NTAQ1: variants seen among roughly 807,000 people sequenced by gnomAD.
The protein encoded by NTAQ1 is N-terminal glutamine amidase 1, also known as protein N-terminal glutamine amidohydrolase.
A neutral mutation model predicts 28.2 loss-of-function variants in NTAQ1; 21 were observed. The ratio of observed to expected loss-of-function variants is 0.74; its 90% CI spans 0.53 to 1.07. The LOEUF (loss-of-function observed/expected upper bound fraction) is 1.07, where lower values mean the gene tolerates loss of function less well. Among genes scored for constraint, NTAQ1 ranks in the 50% least tolerant of loss-of-function variants. NTAQ1 has a pLI of 0.00. For synonymous variants in NTAQ1, 105 were observed against 90.0 expected, an observed-to-expected ratio of 1.17 and a Z score of -0.94; for missense variants, 264 against 256.6, an observed-to-expected ratio of 1.03 and a Z score of -0.20.
chr8:123,454,128 G>A (rs142973345), intron 6 of NTAQ1, among the ~76,000 whole-genome samples: 3,879 of 152,290 alleles, frequency 0.025, 68 homozygotes, highest in Middle Eastern at 0.054. Flanking sequence ...ATCAATAAAT[G>A]TCAAACTTGT....
chr8:123,439,349 T>TG (rs1418555328), intron 5 of NTAQ1, among the ~76,000 whole-genome samples: 3 of 151,040 alleles, frequency 2.0e-5, no homozygotes, highest in Non-Finnish European at 4.4e-5. Flanking sequence ...TGGCTAGTTT[T>TG]TTTTTTTTTT....
chr8:123,422,271 T>G (rs1813744299), intron 1 of NTAQ1, among the ~76,000 whole-genome samples: 1 of 143,254 alleles, frequency 7.0e-6, no homozygotes, highest in Admixed American at 7.3e-5. Context: ...GTAGTCTGTT[T>G]TTTGTTTTGG....
chr8:123,423,811 T>A (rs909915364), intron 1 of NTAQ1, among the ~76,000 whole-genome samples: 2 of 152,140 alleles, frequency 1.3e-5, no homozygotes, highest in Non-Finnish European at 2.9e-5. Context: ...AGCCACATTA[T>A]GTATTCAGCT....
At chr8:123,456,048 A>AGCATCT (rs1267455222) in intron 6 of NTAQ1, among the ~76,000 whole-genome samples, 2 of 152,100 alleles carry the variant, frequency 1.3e-5, no homozygotes, top group African/African-American at 4.8e-5. Context: ...GGATTTTAAG[A>AGCATCT]GCATCTTTTT....
intron 1 of NTAQ1, among the ~76,000 whole-genome samples, chr8:123,425,764 T>A (rs1016959678): frequency 1.4e-4 from 21 of 151,842 alleles, no homozygotes; most frequent in South Asian, 4.1e-4. Flanking sequence ...AATCCCAGTA[T>A]TTTGGGAGGC....
At chr8:123,448,379 A>C (rs1413721260), downstream of NTAQ1, among the ~76,000 whole-genome samples, 1 of 152,168 alleles carries the variant, frequency 6.6e-6, no homozygotes, top group African/African-American at 2.4e-5. Context: ...TTGGAAGGCC[A>C]AGGCGGGTGG....
At chr8:123,452,576 G>T (rs1392763865), downstream of NTAQ1, among the ~76,000 whole-genome samples, 1 of 149,830 alleles carries the variant, frequency 6.7e-6, no homozygotes, top group Non-Finnish European at 1.5e-5. Context: ...CAGCCTGGGT[G>T]ACAGCAAGAC....
At chr8:123,434,398 A>AGGGAGATCACTTGAGGCC (rs1814578170) in intron 3 of NTAQ1, among the ~76,000 whole-genome samples, 1 of 152,156 alleles carries the variant, frequency 6.6e-6, no homozygotes, top group African/African-American at 2.4e-5. Context: ...AGGCAGAGGC[A>AGGGAGATCACTTGAGGCC]GGGAGATCAC....
At chr8:123,465,543 T>C (rs369455789) in intron 6 of NTAQ1, among the ~76,000 whole-genome samples, 1 of 151,668 alleles carries the variant, frequency 6.6e-6, no homozygotes, top group South Asian at 2.1e-4. Flanking sequence ...ACGTACCCTT[T>C]TGAGATTGCT....
intron 1 of NTAQ1, among the ~76,000 whole-genome samples, chr8:123,419,242 G>C (rs1035906088): frequency 5.3e-5 from 8 of 151,990 alleles, no homozygotes; most frequent in Admixed American, 2.6e-4. Context: ...GGGACTACAG[G>C]CACCCACCAC....
downstream of NTAQ1, among the ~76,000 whole-genome samples, chr8:123,473,914 TA>T (rs1816066450): frequency 6.6e-6 from 1 of 152,132 alleles, no homozygotes; most frequent in Admixed American, 6.5e-5. Flanking sequence ...GTTTTTTTTT[TA>T]AATTGCATTG....
chr8:123,446,186 A>C (rs1284466207), downstream of NTAQ1, among the ~76,000 whole-genome samples: 1 of 151,386 alleles, frequency 6.6e-6, no homozygotes, highest in East Asian at 1.9e-4. Context: ...TTTTTATTAT[A>C]GTAGAGACAG....
intron 4 of NTAQ1, 51 bp downstream of exon 4, chr8:123,436,652 G>A (rs1283903521): frequency 9.6e-6 from 15 of 1,565,026 alleles, no homozygotes; most frequent in South Asian, 2.4e-5. Flanking sequence ...AGAATTTGAC[G>A]ATTCCACAGA....
exon 7 of NTAQ1, among the ~76,000 whole-genome samples, chr8:123,469,061 T>C (rs1015809132): frequency 5.9e-5 from 9 of 152,202 alleles, no homozygotes; most frequent in African/African-American, 2.2e-4. Flanking sequence ...CGTTTTTTAA[T>C]TGGGTTATTT....
chr8:123,441,201 T>C (rs1284881072), intron 5 of NTAQ1, 105 bp from the exon 6 acceptor site: 2 of 793,892 alleles, frequency 2.5e-6, no homozygotes, highest in Non-Finnish European at 4.1e-6. Flanking sequence ...TGAGCCCTTA[T>C]CCATTTGAAT....
chr8:123,419,754 C>CCCTCCCTT (rs1310871452), intron 1 of NTAQ1, among the ~76,000 whole-genome samples: 1 of 83,714 alleles, frequency 1.2e-5, no homozygotes, highest in African/African-American at 3.8e-5. Flanking sequence ...CTCCCTCCCT[C>CCCTCCCTT]CCTTCCTTCC....
At chr8:123,470,252 G>C (rs1816028266), downstream of NTAQ1, among the ~76,000 whole-genome samples, 1 of 152,184 alleles carries the variant, frequency 6.6e-6, no homozygotes, top group Non-Finnish European at 1.5e-5. Flanking sequence ...ATGGTATTTT[G>C]TATGGCAGCC....
downstream of NTAQ1, among the ~76,000 whole-genome samples, chr8:123,450,513 G>A (rs1190860398): frequency 2.7e-5 from 4 of 148,692 alleles, no homozygotes; most frequent in East Asian, 2.0e-4. Context: ...TTTGAAGAAC[G>A]AATTACCCAT....
At chr8:123,462,168 C>T (rs1815841327) in intron 6 of NTAQ1, among the ~76,000 whole-genome samples, 1 of 152,086 alleles carries the variant, frequency 6.6e-6, no homozygotes, top group South Asian at 2.1e-4. Flanking sequence ...GCCTTAGCCT[C>T]CCGAGTAGCT....
Sources: gnomAD v4.1 joint callset for allele counts (sites outside exome capture counted in the v4.1 genomes callset) on GRCh38, gnomAD v4.1.1 for gene constraint, MANE v1.5 for transcripts, NCBI Gene and HGNC (gene_info 2026-07-23, HGNC 2026-07-21) for gene names.